Variants in TRPM3 observed in about 807,000 individuals in gnomAD.
The protein encoded by TRPM3 is transient receptor potential cation channel subfamily M member 3.
TRPM3 carries 77 observed loss-of-function variants against 181.2 expected under a neutral mutation model. The observed-to-expected ratio is 0.42, with a 90% CI of 0.35 to 0.51. The LOEUF is 0.51. Among genes scored for constraint, TRPM3 ranks in the 20% least tolerant of loss-of-function variants. The pLI is 0.01. For missense variants in TRPM3, 1,759 were observed against 2,196.7 expected, an observed-to-expected ratio of 0.80 and a Z score of 3.98; for synonymous variants, 745 against 796.4, an observed-to-expected ratio of 0.94 and a Z score of 1.09.
chr9:70,965,782 G>C (rs2097179034), intron 1 of TRPM3, among the ~76,000 whole-genome samples: 1 of 151,916 alleles, frequency 6.6e-6, no homozygotes, highest in Non-Finnish European at 1.5e-5. Flanking sequence ...CCAGGTTTTG[G>C]TATCAGGATG....
intron 25 of TRPM3, among the ~76,000 whole-genome samples, chr9:70,542,254 T>A (rs2043581356): frequency 6.6e-6 from 1 of 152,006 alleles, no homozygotes. Flanking sequence ...GGGATAAAAA[T>A]GGAGATATAT....
intron 1 of TRPM3, among the ~76,000 whole-genome samples, chr9:71,215,903 T>C (rs765615555): frequency 2.0e-5 from 3 of 152,160 alleles, no homozygotes; most frequent in Non-Finnish European, 4.4e-5. Context: ...CAAAGTTACT[T>C]ACAATCCATG....
intron 1 of TRPM3, among the ~76,000 whole-genome samples, chr9:71,337,290 T>C (rs565287494): frequency 6.3e-4 from 96 of 152,150 alleles, no homozygotes; most frequent in African/African-American, 2.2e-3. Context: ...CAGACAATTA[T>C]CAAAAGACAT....
chr9:70,687,532 C>T (rs982013864), intron 8 of TRPM3, among the ~76,000 whole-genome samples: 3 of 152,122 alleles, frequency 2.0e-5, no homozygotes, highest in Non-Finnish European at 1.5e-5. Context: ...CCAAAAAACT[C>T]AACATCAAAA....
At chr9:71,384,702 A>G (rs928615753) in intron 1 of TRPM3, among the ~76,000 whole-genome samples, 9 of 152,254 alleles carry the variant, frequency 5.9e-5, no homozygotes, top group African/African-American at 2.2e-4. Context: ...AAAGAAAAGC[A>G]TAACTCTTGT....
At chr9:71,038,190 C>T (rs1257453196) in intron 1 of TRPM3, among the ~76,000 whole-genome samples, 1 of 152,178 alleles carries the variant, frequency 6.6e-6, no homozygotes, top group Non-Finnish European at 1.5e-5. Context: ...TGAAGAAGCG[C>T]ATATTAGGCA....
Position 70,625,612 on chromosome 9 carries a change from A to T in TRPM3, c.1633-95T>A. The T allele has an allele frequency of 1.6e-6, 2 of 1,250,472 alleles. No individual in the cohort carries two copies. The highest frequency in any genetic ancestry group is 2.3e-6 in the Non-Finnish European group (2 of 871,784). The allele number at this position is 1,250,472 out of a possible 1,614,324, so 77.5% of individuals were successfully genotyped here. A position where few individuals can be genotyped will look rare whatever the true frequency, so the allele number is the denominator to read the frequency against. ...TTATTCAAGTCTTCAGCTGGGGAGA[A>T]AAAAACACCAGTGTAGAAGAAAGAA... On this transcript the variant is annotated intron_variant, in intron 12 of 25. Coordinates refer to ENST00000677713, the MANE Select transcript of TRPM3 (RefSeq NM_001366145.2). This position sits in a 1 kb window ranked among gnomAD's most constrained non-coding sequence, Gnocchi z 4.8.
intron 1 of TRPM3, among the ~76,000 whole-genome samples, chr9:71,219,108 T>C (rs1226768081): frequency 1.3e-5 from 2 of 152,156 alleles, no homozygotes; most frequent in Non-Finnish European, 2.9e-5. Flanking sequence ...CAAAATTTTC[T>C]AGTGAGAAAA....
intron 1 of TRPM3, among the ~76,000 whole-genome samples, chr9:70,893,000 A>G (rs1265073503): frequency 1.3e-5 from 2 of 152,234 alleles, no homozygotes; most frequent in African/African-American, 4.8e-5. Flanking sequence ...ATGCTGCAAC[A>G]TGAGATAGCA....
chr9:70,654,736 G>A (rs2060052286), intron 9 of TRPM3, among the ~76,000 whole-genome samples: 2 of 150,578 alleles, frequency 1.3e-5, no homozygotes, highest in South Asian at 4.2e-4. Flanking sequence ...AGGCTGGAGT[G>A]CAGTGGCGCG....
At chr9:71,235,885 A>G (rs1168436740) in intron 1 of TRPM3, among the ~76,000 whole-genome samples, 1 of 152,238 alleles carries the variant, frequency 6.6e-6, no homozygotes, top group East Asian at 1.9e-4. Context: ...ATGATGGTAG[A>G]AAATAATTCT....
At position 71,271,813 on chromosome 9, in the gene TRPM3, A is replaced by G. The variant is rs577921648; in HGVS notation, c.183+174840T>C. 1.2e-4 allele frequency among the ~76,000 whole-genome samples: 18 copies of G among 152,334 alleles called. 1 individual carries two copies. The South Asian group carries it at 3.5e-3, about 30-fold the overall frequency. ...CTGAGCCATTTTCCACCTGATGAACAGTAACAGAAGCTGTCTTCTTGAATC... is the reference window on the plus strand; with the variant it reads ...CTGAGCCATTTTCCACCTGATGAACGGTAACAGAAGCTGTCTTCTTGAATC... On this transcript the variant is annotated intron_variant, in intron 1 of 24. Coordinates refer to the TRPM3 transcript ENST00000357533.
At chr9:71,167,777 T>C (rs1215193595) in intron 1 of TRPM3, among the ~76,000 whole-genome samples, 2 of 152,098 alleles carry the variant, frequency 1.3e-5, no homozygotes, top group Admixed American at 6.6e-5. Context: ...AAACCAGTTA[T>C]GGAGGGAATA....
intron 1 of TRPM3, among the ~76,000 whole-genome samples, chr9:71,164,585 C>T (rs2076442396): frequency 6.6e-6 from 1 of 151,816 alleles, no homozygotes; most frequent in Non-Finnish European, 1.5e-5. Flanking sequence ...GGGATATGGC[C>T]TGAAAAGTAT....
At chr9:71,069,930 G>A (rs561616922) in intron 1 of TRPM3, among the ~76,000 whole-genome samples, 81 of 152,284 alleles carry the variant, frequency 5.3e-4, no homozygotes, top group African/African-American at 1.8e-3. Context: ...TTTAAAAAAG[G>A]TACTTTAGTG....
rs957681090 is a variant in TRPM3 at position 70,533,725 on chromosome 9, G to A, written c.*2228C>T. ...GTTTGCTGAGAGGGAAATAGCCAGC[G>A]TGGGGCCCAATAAAATGTTAAGTGT... On this transcript the variant is annotated 3_prime_UTR_variant, in exon 26 of 26. Coordinates refer to ENST00000677713, the MANE Select transcript of TRPM3 (RefSeq NM_001366145.2). 1.8e-4 allele frequency: 28 copies of A among 152,222 alleles called. No individual in the cohort carries two copies. Among genetic ancestry groups the A allele is most frequent in the African/African-American group, 6.0e-4 (25 of 41,526 alleles). 9.4% of individuals were successfully genotyped at this position (152,222 alleles called of 1,614,324 possible).
chr9:70,673,859 G>T (rs891526894), intron 9 of TRPM3, among the ~76,000 whole-genome samples: 5 of 146,178 alleles, frequency 3.4e-5, no homozygotes, highest in African/African-American at 1.3e-4. Flanking sequence ...TGAGGCAAGA[G>T]AATCACTTGA....
chr9:71,357,606 T>C (rs967032173), intron 1 of TRPM3, among the ~76,000 whole-genome samples: 1 of 152,128 alleles, frequency 6.6e-6, no homozygotes, highest in Admixed American at 6.6e-5. Context: ...TTGGGAACAC[T>C]GTCTGTGGTC....
chr9:70,652,796 T>C (rs924885120), intron 9 of TRPM3, among the ~76,000 whole-genome samples: 1 of 152,158 alleles, frequency 6.6e-6, no homozygotes, highest in African/African-American at 2.4e-5. Context: ...GGAAGATGAT[T>C]ATTGGGGTTA....
Sources: gnomAD v4.1 joint callset for allele counts (sites outside exome capture counted in the v4.1 genomes callset) on GRCh38, gnomAD v4.1.1 for gene constraint, Gnocchi (gnomAD v3.1) non-coding constraint, MANE v1.5 for transcripts, NCBI Gene and HGNC (gene_info 2026-07-23, HGNC 2026-07-21) for gene names.